The following DIP2A variants were observed in gnomAD, a reference collection of about 807,000 sequenced individuals.
The protein encoded by DIP2A is DIP2 acetate--CoA ligase A.
DIP2A carries 85 observed loss-of-function variants against 177.4 expected under a neutral mutation model. That is an observed-to-expected ratio of 0.48 (90% CI 0.40 to 0.57). The LOEUF (loss-of-function observed/expected upper bound fraction) is 0.57. Ranked by LOEUF, DIP2A falls within the 20% of genes least tolerant of loss-of-function variation. The pLI, the probability that DIP2A is intolerant of heterozygous loss-of-function variation, is 0.00. For synonymous variants in DIP2A, 886 were observed against 881.8 expected, an observed-to-expected ratio of 1.00 and a Z score of -0.08; for missense variants, 1,791 against 2,100.2, an observed-to-expected ratio of 0.85 and a Z score of 2.88.
chr21:46,520,474 A>C lies in DIP2A; in HGVS notation c.1103-8618A>C, dbSNP rs542862888. ...ATATTCATGAACATTTTGGCTCTCC[A>C]TGAGAGTCCTGAAAGTTTTTCCTCT... On this transcript the variant is annotated intron_variant, in intron 8 of 37. Transcript: ENST00000417564. Among the ~76,000 whole-genome samples the C allele has an allele frequency of 7.9e-5, 12 of 152,334 alleles. No individual in the cohort carries two copies. The East Asian group carries it at 2.3e-3, about 29-fold the overall frequency.
chr21:46,573,645 C>CAAAAAAAAAAAAAAAAAA (rs201994694), downstream of DIP2A, among the ~76,000 whole-genome samples: 31 of 52,970 alleles, frequency 5.9e-4, 1 homozygote, highest in African/African-American at 9.6e-4. Flanking sequence ...CCCTCTCTCA[C>CAAAAAAAAAAAAAAAAAA]AAAAAAAAAA....
chr21:46,485,756 GAT>G (rs1298998982), intron 2 of DIP2A, among the ~76,000 whole-genome samples: 3 of 152,094 alleles, frequency 2.0e-5, no homozygotes, highest in African/African-American at 7.2e-5. Context: ...AGTGTGAGAA[GAT>G]AGTTGTAACA....
At chr21:46,477,543 T>TTTTTTGTGTG (rs374607636) in intron 1 of DIP2A, among the ~76,000 whole-genome samples, 1 of 87,094 alleles carries the variant, frequency 1.1e-5, no homozygotes, top group African/African-American at 4.3e-5. Context: ...AAAAAAAGAT[T>TTTTTTGTGTG]TGTGTGTGTG....
intron 21 of DIP2A, among the ~76,000 whole-genome samples, chr21:46,548,181 C>CGTGTGTGTGT (rs151337762): frequency 1.2e-4 from 17 of 147,678 alleles, no homozygotes; most frequent in African/African-American, 2.7e-4. Context: ...TGCATGTGTG[C>CGTGTGTGTGT]GTGTGTGTGT....
intron 6 of DIP2A, among the ~76,000 whole-genome samples, chr21:46,507,795 G>A (rs2058095052): frequency 6.9e-6 from 1 of 145,334 alleles, no homozygotes; most frequent in Non-Finnish European, 1.5e-5. Flanking sequence ...CTGCCTTCTG[G>A]TGTCAAGCGA....
In DIP2A at chr21:46,556,816, A is replaced by AAT. The variant is rs2060485500; in HGVS notation, c.3499-120_3499-119dup. ...GAGCCAACCGTCTTTTAAGGAAATAAATATGATGTTTGGTAGTTCGGAGCT... is the reference window on the plus strand; with the variant it reads ...GAGCCAACCGTCTTTTAAGGAAATAAATATATGATGTTTGGTAGTTCGGAGCT... On this transcript the variant is annotated intron_variant, in intron 29 of 37. Coordinates refer to ENST00000417564, the MANE Select transcript of DIP2A (RefSeq NM_015151.4). This position sits in a 1 kb window ranked among gnomAD's most constrained non-coding sequence, Gnocchi z 4.5. 7.1e-6 allele frequency: 6 copies of AAT among 849,284 alleles called. No homozygotes were observed. Among genetic ancestry groups the AAT allele is most frequent in the Non-Finnish European group, 1.0e-5 (6 of 579,432 alleles). The allele number at this position is 849,284 out of a possible 1,614,324, so 52.6% of individuals were successfully genotyped here.
intron 18 of DIP2A, among the ~76,000 whole-genome samples, chr21:46,543,645 G>A (rs1254341022): frequency 1.3e-5 from 2 of 152,048 alleles, no homozygotes; most frequent in African/African-American, 4.8e-5. Flanking sequence ...TGAATCCTAC[G>A]GGTGATTTGT....
rs567650580 is a variant in DIP2A at position 46,472,959 on chromosome 21, T to C, written c.92-11798T>C. ...CCAGCCACATGTGGCTACTGAACAC[T>C]TGAAATGTGGGTAGTGGGACGAGGG... On this transcript the variant is annotated intron_variant, in intron 1 of 37. Transcript: ENST00000417564. Among the ~76,000 whole-genome samples, 5 of 152,316 alleles carry C rather than the reference T, an allele frequency of 3.3e-5. No homozygotes were observed. In the East Asian group the frequency reaches 9.6e-4, roughly 29 times the overall value.
Position 46,556,795 on chromosome 21 carries a change from C to G in DIP2A, c.3499-144C>G. The G allele has an allele frequency of 1.4e-6, 1 of 725,722 alleles. No individual in the cohort carries two copies. Among genetic ancestry groups the G allele is most frequent in the South Asian group, 2.5e-5 (1 of 40,166 alleles). The allele number at this position is 725,722 out of a possible 1,614,324, so 45.0% of individuals were successfully genotyped here. ...ATTTAGGTTATATGGGGATTTGAGC[C>G]AACCGTCTTTTAAGGAAATAAATAT... On this transcript the variant is annotated intron_variant, in intron 29 of 37. Transcript: ENST00000417564. The surrounding 1 kb of genome is among the most constrained non-coding windows in gnomAD (Gnocchi z 4.5).
Position 46,563,892 on chromosome 21 carries a change from C to T in DIP2A, c.4124C>T (p.Thr1375Ile), listed in dbSNP as rs1323524531. The change falls in exon 35 of 38, where the codon ACC becomes ATC. Residue 1375 changes from threonine (T) to isoleucine (I), a missense_variant. Physicochemically the swap from Thr to Ile is moderately conservative, Grantham distance 89 (BLOSUM62 -1). Transcript: ENST00000417564. This position sits in a 1 kb window ranked among gnomAD's most constrained non-coding sequence, Gnocchi z 4.3. ...GGCGTGAAGGTCATCATCGCACACA[C>T]CGAGACCAAAGGACCCTTGGGAGAC... ...LPGVKVIIAH[T>I]ETKGPLGDSH... The T allele has an allele frequency of 2.5e-6, 4 of 1,613,822 alleles. No homozygotes were observed. In the South Asian group the frequency reaches 4.4e-5, roughly 18 times the overall value.
chr21:46,550,577 G>A lies in DIP2A; in HGVS notation c.2672G>A (p.Cys891Tyr). ...AGCATCCACCAGGTGGGCGTGTACT[G>A]TCTGGCCCTGGTTCCTGCCAACACC... Reference protein sequence around the residue: ...IDSIHQVGVYCLALVPANTLP... With the variant: ...IDSIHQVGVYYLALVPANTLP... The change falls in exon 23 of 38, where the codon TGT becomes TAT. Residue 891 changes from cysteine (C) to tyrosine (Y), a missense_variant. Coordinates refer to ENST00000417564, the MANE Select transcript of DIP2A (RefSeq NM_015151.4). 2 of 1,613,668 alleles carry A rather than the reference G, an allele frequency of 1.2e-6. No homozygotes were observed. Among genetic ancestry groups the A allele is most frequent in the Non-Finnish European group, 1.7e-6 (2 of 1,179,792 alleles).
At chr21:46,580,536 G>T in the DIP2A span, among the ~76,000 whole-genome samples, 1 of 152,184 alleles carries the variant, frequency 6.6e-6, no homozygotes, top group African/African-American at 2.4e-5. Context: ...TTGCTTCACA[G>T]TGTCACTGGT....
In DIP2A at chr21:46,546,836, T is replaced by TG. The variant is rs1466753506; in HGVS notation, c.2395-73dup. Reference sequence around the variant, plus strand: ...GGCTCCTGTGCTGTTGGCCCCTTCTTGGGGGGCCTGACCATGGTCCTGGCG... The same window carrying TG: ...GGCTCCTGTGCTGTTGGCCCCTTCTTGGGGGGGCCTGACCATGGTCCTGGCG... On this transcript the variant is annotated intron_variant, in intron 20 of 37. Coordinates refer to ENST00000417564, the MANE Select transcript of DIP2A (RefSeq NM_015151.4). The TG allele has an allele frequency of 7.1e-6, 11 of 1,544,224 alleles. No individual in the cohort carries two copies. In the East Asian group the frequency reaches 1.4e-4, roughly 19 times the overall value.
chr21:46,493,020 G>A (rs1295489870), intron 3 of DIP2A, among the ~76,000 whole-genome samples: 2 of 152,128 alleles, frequency 1.3e-5, no homozygotes. Flanking sequence ...TGGTTAGAAG[G>A]CAGATGTCTG....
chr21:46,520,841 A>G (rs1264847015), intron 8 of DIP2A, among the ~76,000 whole-genome samples: 3 of 152,234 alleles, frequency 2.0e-5, no homozygotes, highest in Admixed American at 6.5e-5. Context: ...CATATCTGAC[A>G]GTGCTTGCTG....
chr21:46,563,184 G>A lies in DIP2A; in HGVS notation c.4090-674G>A, dbSNP rs1309045413. ...CGCCGGGGAGGGTCTGGCGGTAACC[G>A]TAGCTCACACCTCCCTGTGGCCCGT... On this transcript the variant is annotated intron_variant, in intron 34 of 37. Coordinates refer to ENST00000417564, the MANE Select transcript of DIP2A (RefSeq NM_015151.4). This position sits in a 1 kb window ranked among gnomAD's most constrained non-coding sequence, Gnocchi z 4.3. 1.3e-5 allele frequency among the ~76,000 whole-genome samples: 2 copies of A among 152,102 alleles called. No homozygotes were observed. Among genetic ancestry groups the A allele is most frequent in the African/African-American group, 4.8e-5 (2 of 41,410 alleles).
At chr21:46,466,349 T>G (rs1021015877) in intron 1 of DIP2A, among the ~76,000 whole-genome samples, 7 of 141,652 alleles carry the variant, frequency 4.9e-5, no homozygotes, top group Non-Finnish European at 1.1e-4. Flanking sequence ...TAACTTTTTT[T>G]TTTTTTTTTT....
intron 12 of DIP2A, 80 bp downstream of exon 12, chr21:46,534,193 G>T: frequency 1.7e-6 from 2 of 1,178,810 alleles, no homozygotes; most frequent in South Asian, 1.3e-5. Flanking sequence ...AATGTAAGTT[G>T]CTATTCTTTT....
rs1429189228 is a variant in DIP2A at position 46,537,274 on chromosome 21, C to T, written c.1693C>T (p.His565Tyr). The T allele has an allele frequency of 6.2e-7, 1 of 1,613,924 alleles. No homozygotes were observed. Among genetic ancestry groups the T allele is most frequent in the African/African-American group, 1.3e-5 (1 of 74,932 alleles). The change falls in exon 14 of 38, where the codon CAT (histidine) becomes TAT (tyrosine). Residue 565 changes from histidine (H) to tyrosine (Y), a missense_variant. Physicochemically the swap from His to Tyr is moderately conservative, Grantham distance 83. Coordinates refer to ENST00000417564, the MANE Select transcript of DIP2A (RefSeq NM_015151.4). This position sits in a 1 kb window ranked among gnomAD's most constrained non-coding sequence, Gnocchi z 4.1. ...TTTCAAAAGGGATGCTGGTCTGTGG[C>T]ATGGCGTGTTAACAGTGAGTGTTGT... ...LDFKRDAGLW[H>Y]GVLTSVMNRM...
Sources: gnomAD v4.1 joint callset for allele counts (sites outside exome capture counted in the v4.1 genomes callset) on GRCh38, gnomAD v4.1.1 for gene constraint, Gnocchi (gnomAD v3.1) non-coding constraint, MANE v1.5 for transcripts, NCBI Gene and HGNC (gene_info 2026-07-23, HGNC 2026-07-21) for gene names.